The following LRRC4C variants were observed in gnomAD, a reference collection of about 807,000 sequenced individuals.
LRRC4C encodes the protein leucine rich repeat containing 4C, also known as leucine-rich repeat-containing protein 4C.
A neutral mutation model predicts 33.6 loss-of-function variants in LRRC4C; 5 were observed. The ratio of observed to expected loss-of-function variants is 0.15; its 90% confidence interval spans 0.08 to 0.31. The LOEUF is 0.31. Ranked by LOEUF, LRRC4C falls within the 10% of genes least tolerant of loss-of-function variation. LRRC4C has a pLI of 1.00. For synonymous variants in LRRC4C, 329 were observed against 302.0 expected (o/e 1.09, Z -0.93); for missense variants, 560 against 796.7 (o/e 0.70, Z 3.58).
intron 1 of LRRC4C, among the ~76,000 whole-genome samples, chr11:41,143,132 T>C (rs1347960865): frequency 1.3e-5 from 2 of 151,960 alleles, no homozygotes; most frequent in Non-Finnish European, 2.9e-5. Flanking sequence ...CTATGGAAAG[T>C]GCCACAATAA....
intron 1 of LRRC4C, among the ~76,000 whole-genome samples, chr11:41,156,050 G>A (rs2135994014): frequency 6.6e-6 from 1 of 152,222 alleles, no homozygotes; most frequent in African/African-American, 2.4e-5. Context: ...ATTCAGCTTT[G>A]TGTAGGATTT....
intron 3 of LRRC4C, among the ~76,000 whole-genome samples, chr11:40,413,992 A>G (rs1220671717): frequency 6.6e-6 from 1 of 152,022 alleles, no homozygotes; most frequent in African/African-American, 2.4e-5. Flanking sequence ...CACAATTTTC[A>G]TCATTTTGTG....
intron 1 of LRRC4C, among the ~76,000 whole-genome samples, chr11:41,194,017 G>A (rs946189672): frequency 1.2e-4 from 18 of 151,926 alleles, no homozygotes; most frequent in African/African-American, 4.3e-4. Context: ...CCACCCTTGA[G>A]ACAGTAAAAC....
chr11:40,398,579 T>G (rs1449640119), intron 3 of LRRC4C, among the ~76,000 whole-genome samples: 1 of 152,118 alleles, frequency 6.6e-6, no homozygotes, highest in Non-Finnish European at 1.5e-5. Context: ...ATTTTCTATT[T>G]TCTTAGTTTT....
intron 1 of LRRC4C, among the ~76,000 whole-genome samples, chr11:41,281,207 G>A (rs1230110451): frequency 6.6e-6 from 1 of 151,792 alleles, no homozygotes; most frequent in Non-Finnish European, 1.5e-5. Context: ...ATGCTGGAGA[G>A]CATTAAGGAA....
intron 1 of LRRC4C, among the ~76,000 whole-genome samples, chr11:41,171,739 C>T: frequency 6.6e-6 from 1 of 151,860 alleles, no homozygotes; most frequent in Admixed American, 6.6e-5. Context: ...CTTCCCATAG[C>T]AAAATTTCCA....
chr11:41,270,616 G>A (rs551919872), intron 1 of LRRC4C, among the ~76,000 whole-genome samples: 30 of 152,108 alleles, frequency 2.0e-4, no homozygotes, highest in African/African-American at 5.8e-4. Flanking sequence ...AAATAAAACC[G>A]TACCATTGCA....
chr11:40,363,504 T>G (rs1948063165), intron 3 of LRRC4C, among the ~76,000 whole-genome samples: 1 of 151,490 alleles, frequency 6.6e-6, no homozygotes, highest in African/African-American at 2.4e-5. Context: ...CACAAGCAAA[T>G]CCCAATGACT....
intron 3 of LRRC4C, among the ~76,000 whole-genome samples, chr11:40,501,264 C>T (rs1041617108): frequency 6.6e-6 from 1 of 152,148 alleles, no homozygotes; most frequent in Non-Finnish European, 1.5e-5. Context: ...TCCAGGCACA[C>T]AATGCAACCT....
At chr11:41,149,400 G>C (rs912856593) in intron 1 of LRRC4C, among the ~76,000 whole-genome samples, 1 of 151,610 alleles carries the variant, frequency 6.6e-6, no homozygotes, top group African/African-American at 2.4e-5. Context: ...CCAGCTACTT[G>C]GGAGGCTGAG....
At chr11:40,506,135 A>G (rs1955022441) in intron 3 of LRRC4C, among the ~76,000 whole-genome samples, 1 of 152,170 alleles carries the variant, frequency 6.6e-6, no homozygotes, top group South Asian at 2.1e-4. Context: ...TTGAACTTGC[A>G]TTTAATGGCC....
At chr11:41,395,395 T>C (rs990126070) in intron 1 of LRRC4C, among the ~76,000 whole-genome samples, 2 of 151,970 alleles carry the variant, frequency 1.3e-5, no homozygotes, top group African/African-American at 4.8e-5. Flanking sequence ...ACGTGTGGGT[T>C]ATATAAGAAT....
rs142430407 is a variant in LRRC4C at position 40,494,749 on chromosome 11, A to G, written c.-270+153393T>C. Among the ~76,000 whole-genome samples the G allele has an allele frequency of 1.0e-3, 158 of 152,326 alleles. 1 individual carries two copies. In the Middle Eastern group the frequency reaches 0.014, roughly 13 times the overall value. On this transcript the variant is annotated intron_variant, in intron 3 of 6. Transcript: ENST00000528697. ...AAGAAGCACTATTCCTGCTACTTTT[A>G]CAATAGTGAAGAGTTGTTGAGCAGC...
chr11:41,451,618 C>T (rs527701866), intron 1 of LRRC4C, among the ~76,000 whole-genome samples: 1 of 152,194 alleles, frequency 6.6e-6, no homozygotes, highest in East Asian at 1.9e-4. Context: ...CAGGAAATAG[C>T]ATCAACCAGA....
intron 4 of LRRC4C, among the ~76,000 whole-genome samples, chr11:40,319,015 G>T (rs1474197390): frequency 6.6e-6 from 1 of 152,092 alleles, no homozygotes; most frequent in Non-Finnish European, 1.5e-5. Context: ...GTGCTGTTAG[G>T]TTAAGAAAAT....
intron 2 of LRRC4C, among the ~76,000 whole-genome samples, chr11:40,657,787 G>A (rs1458529411): frequency 6.6e-6 from 1 of 152,222 alleles, no homozygotes; most frequent in Non-Finnish European, 1.5e-5. Context: ...TGTGTCACAG[G>A]TGAGGGTCCT....
chr11:41,159,643 G>A (rs1434251052), intron 1 of LRRC4C, among the ~76,000 whole-genome samples: 5 of 151,920 alleles, frequency 3.3e-5, no homozygotes, highest in Non-Finnish European at 7.4e-5. Flanking sequence ...TTGCAGCTAT[G>A]GCCTAATTTA....
At chr11:40,897,770 T>G (rs1956012382) in intron 2 of LRRC4C, among the ~76,000 whole-genome samples, 1 of 152,146 alleles carries the variant, frequency 6.6e-6, no homozygotes, top group South Asian at 2.1e-4. Flanking sequence ...CTGACCTACA[T>G]TTTAACTGAC....
intron 2 of LRRC4C, among the ~76,000 whole-genome samples, chr11:40,839,914 CTT>C (rs1161699506): frequency 3.9e-5 from 6 of 151,922 alleles, no homozygotes; most frequent in African/African-American, 1.5e-4. Flanking sequence ...AAGACTGACT[CTT>C]ATATAATTGA....
Sources: gnomAD v4.1 joint callset for allele counts (sites outside exome capture counted in the v4.1 genomes callset) on GRCh38, gnomAD v4.1.1 for gene constraint, MANE v1.5 for transcripts, NCBI Gene and HGNC (gene_info 2026-07-23, HGNC 2026-07-21) for gene names.